The following TUBA8 variants were observed in gnomAD, a reference collection of about 807,000 sequenced individuals.
The protein encoded by TUBA8 is tubulin alpha-8 chain.
Under a neutral mutation model 34.7 loss-of-function variants are expected in TUBA8, and 29 were observed. That is an observed-to-expected ratio of 0.84 (90% CI 0.62 to 1.14). The LOEUF (loss-of-function observed/expected upper bound fraction) is 1.14. Among genes scored for constraint, TUBA8 ranks in the 50% most tolerant of loss-of-function variants. The pLI, the probability that TUBA8 is intolerant of heterozygous loss-of-function variation, is 0.00. For missense variants in TUBA8, 541 were observed against 599.2 expected, an observed-to-expected ratio of 0.90 and a Z score of 1.01; for synonymous variants, 226 against 231.2, an observed-to-expected ratio of 0.98 and a Z score of 0.21.
rs1464637487 is a variant in TUBA8, at chr22:18,111,032, A to G, written c.3+164A>G. 2.9e-6 allele frequency: 3 copies of G among 1,033,112 alleles called. No homozygotes were observed. The highest frequency in any genetic ancestry group is 4.3e-6 in the Non-Finnish European group (3 of 700,174). The allele number at this position is 1,033,112 out of a possible 1,614,324, so 64.0% of individuals were successfully genotyped here. On this transcript the variant is annotated intron_variant, in intron 1 of 4. Transcript: ENST00000330423. The surrounding 1 kb of genome is among the most constrained non-coding windows in gnomAD (Gnocchi z 5.1). ...GAGGAGTCCGCACCCTCGGGCGGGA[A>G]CACCCGGTGCCCTTTATCGTATGGG... is the stretch of plus-strand genomic sequence containing the variant.
intron 1 of TUBA8, chr22:18,116,871 C>A (rs1261461782): frequency 6.6e-6 from 1 of 152,236 alleles, no homozygotes; most frequent in Non-Finnish European, 1.5e-5. Context: ...GTGCAAGAGG[C>A]CTGCAGAGTG....
At position 18,124,008 on chromosome 22, in the gene TUBA8, T is replaced by G; in HGVS notation, c.227-148T>G. 1.1e-6 allele frequency: 1 copy of G among 946,588 alleles called. No individual in the cohort carries two copies. The highest frequency in any genetic ancestry group is 1.6e-6 in the Non-Finnish European group (1 of 609,232). The allele number at this position is 946,588 out of a possible 1,614,324, so 58.6% of individuals were successfully genotyped here. On this transcript the variant is annotated intron_variant, in intron 2 of 4. Transcript: ENST00000330423. This position sits in a 1 kb window ranked among gnomAD's most constrained non-coding sequence, Gnocchi z 4.3. ...AGCTACCCGGGAATTCTCTTAGCCT[T>G]TTGCAGATTCATTACGAGGTGGTCT...
At position 18,131,410 on chromosome 22, in the gene TUBA8, G is replaced by A; in HGVS notation, c.*274G>A. On this transcript the variant is annotated 3_prime_UTR_variant, in exon 5 of 5. Coordinates refer to ENST00000330423, the MANE Select transcript of TUBA8 (RefSeq NM_018943.3). This position sits in a 1 kb window ranked among gnomAD's most constrained non-coding sequence, Gnocchi z 5.3. ...GCTGCAGCCCAGTTTCACATGCGAG[G>A]AGGCCTAATCAGGAGTTTCAATTCC... 1 of 459,218 alleles carries A rather than the reference G, an allele frequency of 2.2e-6. No homozygotes were observed. Among genetic ancestry groups the A allele is most frequent in the South Asian group, 2.2e-5 (1 of 46,328 alleles). The allele number at this position is 459,218 out of a possible 1,614,324, so 28.4% of individuals were successfully genotyped here. A position where few individuals can be genotyped will look rare whatever the true frequency, so the allele number is the denominator to read the frequency against.
rs548836548 is a variant in TUBA8 at position 18,110,921 on chromosome 22, G to C, written c.3+53G>C. On this transcript the variant is annotated intron_variant, in intron 1 of 4. Coordinates refer to ENST00000330423, the MANE Select transcript of TUBA8 (RefSeq NM_018943.3). The surrounding 1 kb of genome is among the most constrained non-coding windows in gnomAD (Gnocchi z 6.2). ...GCGGGCGCGCGGCAGGCGTAGGACC[G>C]AGAGCCGAGTCTACGCGGAGGCGCA... is the stretch of plus-strand genomic sequence containing the variant. The C allele has an allele frequency of 5.2e-6, 8 of 1,537,932 alleles. No homozygotes were observed. The highest frequency in any genetic ancestry group is 1.2e-5 in the South Asian group (1 of 84,218).
intron 1 of TUBA8, chr22:18,115,331 A>C (rs1233010808): frequency 2.0e-5 from 3 of 152,362 alleles, no homozygotes; most frequent in Admixed American, 2.0e-4. Flanking sequence ...ACCAAGCTAG[A>C]AGATGTCTCC....
Position 18,118,859 on chromosome 22 carries a change from C to T in TUBA8, c.4-2620C>T, listed in dbSNP as rs1172133681. 1.3e-5 allele frequency: 2 copies of T among 152,158 alleles called. No homozygotes were observed. Among genetic ancestry groups the T allele is most frequent in the Non-Finnish European group, 2.9e-5 (2 of 68,028 alleles). 9.4% of individuals were successfully genotyped at this position (152,158 alleles called of 1,614,324 possible). ...TGAGGGCATTAAAAGAGGCTAAAGA[C>T]GTTGTCACCATGCTAGTGGTTTTCA... On this transcript the variant is annotated intron_variant, in intron 1 of 4. Transcript: ENST00000330423. This position sits in a 1 kb window ranked among gnomAD's most constrained non-coding sequence, Gnocchi z 4.0.
Position 18,121,445 on chromosome 22 carries a change from ACT to A in TUBA8, c.4-29_4-28del, listed in dbSNP as rs750428291. On this transcript the variant is annotated intron_variant, in intron 1 of 4. Transcript: ENST00000330423. The surrounding 1 kb of genome is among the most constrained non-coding windows in gnomAD (Gnocchi z 4.8). ...GGGCAAAGGCATGCTGGGGGCCCAG[ACT>A]CTCTGACCTCGTTGCTTCCCTCTCC... 5.0e-6 allele frequency: 8 copies of A among 1,590,788 alleles called. No individual in the cohort carries two copies. Among genetic ancestry groups the A allele is most frequent in the Non-Finnish European group, 6.9e-6 (8 of 1,158,954 alleles).
rs772858172 is a variant in TUBA8, at chr22:18,130,990, C to T, written c.1204C>T (p.Arg402Trp). ...DHKFDLMYAKRAFVHWYVGEG... is the reference protein window; with the variant it reads ...DHKFDLMYAKWAFVHWYVGEG... ...CAAGTTCGACCTCATGTACGCCAAG[C>T]GGGCCTTTGTGCATTGGTATGTGGG... The change falls in exon 5 of 5, where the codon CGG becomes TGG. Residue 402 changes from arginine (R) to tryptophan (W), a missense_variant. Coordinates refer to ENST00000330423, the MANE Select transcript of TUBA8 (RefSeq NM_018943.3). 2.2e-5 allele frequency: 36 copies of T among 1,613,968 alleles called. No individual in the cohort carries two copies. The highest frequency in any genetic ancestry group is 6.7e-5 in the African/African-American group (5 of 74,866).
At chr22:18,112,466 C>A (rs1927842278) in intron 1 of TUBA8, 1 of 152,148 alleles carries the variant, frequency 6.6e-6, no homozygotes, top group South Asian at 2.1e-4. Context: ...TTTCCAAGTG[C>A]TTCCCTTGCA....
chr22:18,120,976 C>T (rs148213219), intron 1 of TUBA8: 2 of 168,528 alleles, frequency 1.2e-5, no homozygotes, highest in East Asian at 3.0e-4. Flanking sequence ...ACAGCCATGG[C>T]GCATACTTCC....
In TUBA8 at chr22:18,131,151, C is replaced by T; in HGVS notation, c.*15C>T. ...AGGAATTTTAAATATATACCTTCCC[C>T]TTGGCTGTGTCTCTTTATTTATGCT... On this transcript the variant is annotated 3_prime_UTR_variant, in exon 5 of 5. Transcript: ENST00000330423. The surrounding 1 kb of genome is among the most constrained non-coding windows in gnomAD (Gnocchi z 5.3). The T allele has an allele frequency of 6.2e-7, 1 of 1,611,204 alleles. No homozygotes were observed. The highest frequency in any genetic ancestry group is 8.5e-7 in the Non-Finnish European group (1 of 1,178,312).
Position 18,121,365 on chromosome 22 carries a change from G to A in TUBA8, c.4-114G>A, listed in dbSNP as rs770693026. The A allele has an allele frequency of 1.1e-6, 1 of 909,920 alleles. No homozygotes were observed. The highest frequency in any genetic ancestry group is 1.4e-5 in the South Asian group (1 of 72,068). The allele number at this position is 909,920 out of a possible 1,614,324, so 56.4% of individuals were successfully genotyped here. ...GGCACCTGCAGCCTCAACGCCAACTGGCAATGGGGGGCTGGGGCCTGGCTG... is the reference window on the plus strand; with the variant it reads ...GGCACCTGCAGCCTCAACGCCAACTAGCAATGGGGGGCTGGGGCCTGGCTG... On this transcript the variant is annotated intron_variant, in intron 1 of 4. Coordinates refer to ENST00000330423, the MANE Select transcript of TUBA8 (RefSeq NM_018943.3). The surrounding 1 kb of genome is among the most constrained non-coding windows in gnomAD (Gnocchi z 4.8).
rs775287501 is a variant in TUBA8 at position 18,121,055 on chromosome 22, C to T, written c.4-424C>T. The T allele has an allele frequency of 3.9e-6, 1 of 258,810 alleles. No individual in the cohort carries two copies. Among genetic ancestry groups the T allele is most frequent in the Non-Finnish European group, 7.6e-6 (1 of 131,080 alleles). 16.0% of individuals were successfully genotyped at this position (258,810 alleles called of 1,614,324 possible). A position where few individuals can be genotyped will look rare whatever the true frequency, so the allele number is the denominator to read the frequency against. On this transcript the variant is annotated intron_variant, in intron 1 of 4. Transcript: ENST00000330423. The surrounding 1 kb of genome is among the most constrained non-coding windows in gnomAD (Gnocchi z 4.8). ...CTGAGACTGTGTGTGTGCATGTGTG[C>T]ACAATGTCAGAAAGTCAGGGTCAGG... is the stretch of plus-strand genomic sequence containing the variant.
chr22:18,114,553 G>A (rs1217190603), intron 1 of TUBA8: 1 of 152,206 alleles, frequency 6.6e-6, no homozygotes, highest in Admixed American at 6.5e-5. Flanking sequence ...AGCCCTTCAG[G>A]AGCCACATCT....
Position 18,111,759 on chromosome 22 carries a change from T to C in TUBA8, c.3+891T>C, listed in dbSNP as rs879664612. The C allele has an allele frequency of 2.6e-5, 4 of 152,174 alleles. No individual in the cohort carries two copies. Among genetic ancestry groups the C allele is most frequent in the Admixed American group, 6.5e-5 (1 of 15,274 alleles). The allele number at this position is 152,174 out of a possible 1,614,324, so 9.4% of individuals were successfully genotyped here. On this transcript the variant is annotated intron_variant, in intron 1 of 4. Transcript: ENST00000330423. This position sits in a 1 kb window ranked among gnomAD's most constrained non-coding sequence, Gnocchi z 5.1. ...GCAGTAGGGAGATGGGCTGGAAAGA[T>C]TGGGGGCAGAGTGAGGGCAGAATAA... is the stretch of plus-strand genomic sequence containing the variant.
chr22:18,128,342 G>A (rs958523855), intron 4 of TUBA8: 3 of 152,100 alleles, frequency 2.0e-5, no homozygotes, highest in Non-Finnish European at 4.4e-5. Context: ...ACAAAATAGC[G>A]AGGGTAGACC....
At position 18,126,797 on chromosome 22, in the gene TUBA8, G is replaced by A. The variant is rs145873976; in HGVS notation, c.819G>A (p.Ala273=). 1.4e-4 allele frequency: 225 copies of A among 1,613,828 alleles called. No homozygotes were observed. The highest frequency in any genetic ancestry group is 1.7e-4 in the Non-Finnish European group (206 of 1,179,924). ...TCCACTTCCCGCTGGTCACCTACGC[G>A]CCCATCATCTCTGCCGAGAAAGCCT... ...PRIHFPLVTY[A]PIISAEKAYH... is the part of the protein sequence containing the mutation. Residue 273 remains alanine, a synonymous_variant, in exon 4 of 5, where the codon GCG becomes GCA. Transcript: ENST00000330423. This position sits in a 1 kb window ranked among gnomAD's most constrained non-coding sequence, Gnocchi z 4.0.
intron 1 of TUBA8, chr22:18,120,884 G>A (rs1462513991): frequency 6.4e-6 from 1 of 155,734 alleles, no homozygotes; most frequent in Non-Finnish European, 1.4e-5. Flanking sequence ...CGTGCAGGAA[G>A]GGCCTAATTT....
intron 2 of TUBA8, chr22:18,123,125 A>AAAT (rs1928203797): frequency 6.6e-6 from 1 of 150,524 alleles, no homozygotes; most frequent in African/African-American, 2.4e-5. Flanking sequence ...AAAAAAAAAA[A>AAAT]AAAAAAAAAA....
Sources: gnomAD v4.1 joint callset for allele counts on GRCh38, gnomAD v4.1.1 for gene constraint, Gnocchi (gnomAD v3.1) non-coding constraint, MANE v1.5 for transcripts, NCBI Gene and HGNC (gene_info 2026-07-23, HGNC 2026-07-21) for gene names.